Variants in CDH12 observed in about 807,000 individuals in gnomAD.
CDH12 encodes cadherin 12, also known as cadherin-12.
Under a neutral mutation model 74.1 loss-of-function variants are expected in CDH12, and 41 were observed. That is an observed-to-expected ratio of 0.55 (90% CI 0.43 to 0.72). The LOEUF is 0.72. Among genes scored for constraint, CDH12 ranks in the 30% least tolerant of loss-of-function variants. CDH12 has a pLI of 0.00. For synonymous variants in CDH12, 399 were observed against 355.0 expected, an observed-to-expected ratio of 1.12 and a Z score of -1.39; for missense variants, 945 against 977.2, an observed-to-expected ratio of 0.97 and a Z score of 0.44.
At chr5:22,523,477 A>C (rs1737135961) in intron 1 of CDH12, among the ~76,000 whole-genome samples, 1 of 152,210 alleles carries the variant, frequency 6.6e-6, no homozygotes, top group Admixed American at 6.5e-5. Context: ...CTCACATTTC[A>C]AAGTATCTTG....
At chr5:22,338,371 A>C (rs1739682060) in intron 3 of CDH12, among the ~76,000 whole-genome samples, 1 of 152,146 alleles carries the variant, frequency 6.6e-6, no homozygotes, top group South Asian at 2.1e-4. Context: ...TCTAAAAATC[A>C]AAACGATTGA....
At chr5:22,580,403 G>T in intron 1 of CDH12, 2 of 496,292 alleles carry the variant, frequency 4.0e-6, no homozygotes, top group South Asian at 1.5e-5. Context: ...AGGGTGGGTA[G>T]GGAGCATCCT....
intron 3 of CDH12, among the ~76,000 whole-genome samples, chr5:22,216,359 G>C (rs891546361): frequency 6.6e-6 from 1 of 151,596 alleles, no homozygotes; most frequent in Non-Finnish European, 1.5e-5. Context: ...ATTTAAATTG[G>C]GGATATATGA....
At chr5:22,722,945 A>G (rs1490095188) in intron 1 of CDH12, among the ~76,000 whole-genome samples, 1 of 152,146 alleles carries the variant, frequency 6.6e-6, no homozygotes, top group Non-Finnish European at 1.5e-5. Flanking sequence ...GAATTTATGT[A>G]AAATATCACC....
intron 6 of CDH12, chr5:21,884,291 T>A (rs1225005380): frequency 7.6e-6 from 11 of 1,453,478 alleles, no homozygotes; most frequent in Non-Finnish European, 9.7e-6. Context: ...TGGGAGGTGG[T>A]ATGGGAGGTG....
chr5:22,318,864 T>A (rs1297735504), intron 3 of CDH12, among the ~76,000 whole-genome samples: 2 of 152,118 alleles, frequency 1.3e-5, no homozygotes, highest in African/African-American at 4.8e-5. Flanking sequence ...ATCATTAAAA[T>A]ATGCCTGTCT....
intron 5 of CDH12, among the ~76,000 whole-genome samples, chr5:22,049,698 A>G (rs920707405): frequency 6.6e-6 from 1 of 152,148 alleles, no homozygotes; most frequent in Non-Finnish European, 1.5e-5. Context: ...AGATGGTCAC[A>G]CAGAGACTTC....
At position 21,793,650 on chromosome 5, in the gene CDH12, A is replaced by G. The variant is rs532623612; in HGVS notation, c.1256+8517T>C. On this transcript the variant is annotated intron_variant, in intron 10 of 14. Transcript: ENST00000382254. ...GCCATTTTATGTAGAGCTGCTTACCATTTGAAACCTAAATATAGACATCAT... is the reference window on the plus strand; with the variant it reads ...GCCATTTTATGTAGAGCTGCTTACCGTTTGAAACCTAAATATAGACATCAT... Among the ~76,000 whole-genome samples, 4 of 151,694 alleles carry G rather than the reference A, an allele frequency of 2.6e-5. No individual in the cohort carries two copies. The East Asian group carries it at 7.8e-4, about 29-fold the overall frequency.
intron 1 of CDH12, among the ~76,000 whole-genome samples, chr5:22,551,325 C>T (rs67453730): frequency 0.016 from 2,503 of 152,218 alleles, 26 homozygotes; most frequent in Non-Finnish European, 0.025. Flanking sequence ...GTCTCCAGAA[C>T]TGAAAGAAAA....
intron 1 of CDH12, among the ~76,000 whole-genome samples, chr5:22,527,280 G>T (rs1310217138): frequency 3.9e-5 from 6 of 152,022 alleles, no homozygotes; most frequent in Admixed American, 3.9e-4. Flanking sequence ...GGGGTGCTGG[G>T]TCTATAAACT....
chr5:22,314,401 T>G (rs1474199631), intron 3 of CDH12, among the ~76,000 whole-genome samples: 1 of 152,154 alleles, frequency 6.6e-6, no homozygotes, highest in East Asian at 1.9e-4. Context: ...GGTGATGTCC[T>G]TATTAGAAGC....
chr5:22,807,892 T>C (rs1748897436), intron 1 of CDH12, among the ~76,000 whole-genome samples: 3 of 152,186 alleles, frequency 2.0e-5, no homozygotes, highest in African/African-American at 7.2e-5. Flanking sequence ...GTACATGATG[T>C]AGACTTTATA....
intron 4 of CDH12, among the ~76,000 whole-genome samples, chr5:22,153,889 A>ATATGT (rs1561168560): frequency 5.0e-4 from 21 of 42,054 alleles, no homozygotes; most frequent in East Asian, 3.1e-3. Context: ...TATATATATA[A>ATATGT]ATATATATAT....
chr5:22,286,546 T>C (rs906020601), intron 3 of CDH12, among the ~76,000 whole-genome samples: 15 of 152,214 alleles, frequency 9.9e-5, no homozygotes, highest in Non-Finnish European at 2.1e-4. Context: ...TCCATTTTTT[T>C]GTGTGTGAAA....
At chr5:22,467,044 C>T (rs1745763295) in intron 2 of CDH12, among the ~76,000 whole-genome samples, 1 of 151,960 alleles carries the variant, frequency 6.6e-6, no homozygotes, top group Non-Finnish European at 1.5e-5. Context: ...CTCGGCCTCT[C>T]AAATTGCTGG....
chr5:22,583,934 A>G (rs1398157685), intron 1 of CDH12, among the ~76,000 whole-genome samples: 1 of 152,086 alleles, frequency 6.6e-6, no homozygotes, highest in East Asian at 1.9e-4. Context: ...TCTCTTCCCA[A>G]TCAGAATTGC....
At chr5:22,391,318 G>A (rs1039438970) in intron 3 of CDH12, among the ~76,000 whole-genome samples, 2 of 152,092 alleles carry the variant, frequency 1.3e-5, no homozygotes, top group South Asian at 4.1e-4. Flanking sequence ...AAATATAAAA[G>A]AAATTAAATA....
intron 6 of CDH12, among the ~76,000 whole-genome samples, chr5:21,972,092 T>C (rs945215021): frequency 1.2e-4 from 19 of 152,340 alleles, no homozygotes; most frequent in African/African-American, 4.3e-4. Context: ...TGAAAATTAG[T>C]AATATTAGTA....
chr5:21,752,206 C>G lies in CDH12; in HGVS notation c.1916G>C (p.Arg639Thr), dbSNP rs746045511. The G allele has an allele frequency of 6.2e-7, 1 of 1,613,600 alleles. No homozygotes were observed. Among genetic ancestry groups the G allele is most frequent in the Admixed American group, 1.7e-5 (1 of 59,938 alleles). ...CATCAGGGTGTCTTTTTTCTTCTGC[C>G]TTCGCAGTGCTACATACAGTACAAC... ...AIVVLYVALR[R>T]QKKKDTLMTS... is the part of the protein sequence containing the mutation. Residue 639 changes from arginine to threonine, a missense_variant, in exon 15 of 15, where the codon AGG (arginine) becomes ACG (threonine). By Grantham distance (71) the Arg-to-Thr change is moderately conservative. Around this residue, in one of 3 missense-constraint regions of CDH12, gnomAD observed 791 missense variants for 792.8 expected, o/e 1.00. Transcript: ENST00000382254.
Sources: gnomAD v4.1 joint callset for allele counts (sites outside exome capture counted in the v4.1 genomes callset) on GRCh38, gnomAD v4.1.1 for gene constraint, gnomAD v4.1.1 regional missense constraint, MANE v1.5 for transcripts, NCBI Gene and HGNC (gene_info 2026-07-23, HGNC 2026-07-21) for gene names.